Variants in CHCHD3 observed in about 807,000 individuals in gnomAD.
The protein encoded by CHCHD3 is coiled-coil-helix-coiled-coil-helix domain containing 3, also known as MICOS complex subunit MIC19.
In CHCHD3, 20 loss-of-function variants were observed where a neutral mutation model predicts 38.2. That is an observed-to-expected ratio of 0.52 (90% CI 0.37 to 0.76). The LOEUF is 0.76. Among genes scored for constraint, CHCHD3 ranks in the 30% least tolerant of loss-of-function variants. The probability of loss-of-function intolerance (pLI) is 0.00; values close to 1 mark genes in which losing one functional copy is unlikely to be tolerated. For missense variants in CHCHD3, 245 were observed against 279.2 expected (o/e 0.88, Z 0.87); for synonymous variants, 82 against 100.0 (o/e 0.82, Z 1.07).
intron 6 of CHCHD3, among the ~76,000 whole-genome samples, chr7:132,811,035 C>G (rs1807057397): frequency 6.6e-6 from 1 of 152,104 alleles, no homozygotes; most frequent in South Asian, 2.1e-4. Flanking sequence ...TTTCCCTTTC[C>G]ACCCTTGGCT....
chr7:133,065,413 T>A (rs900852664), intron 2 of CHCHD3, among the ~76,000 whole-genome samples: 1 of 152,208 alleles, frequency 6.6e-6, no homozygotes, highest in Non-Finnish European at 1.5e-5. Context: ...AAACTATTTT[T>A]ATGACAAAAT....
In CHCHD3 at chr7:132,828,033, G is replaced by A. The variant is rs59812008; in HGVS notation, c.524+10366C>T. Among the ~76,000 whole-genome samples the A allele has an allele frequency of 2.4e-4, 36 of 152,156 alleles. 1 individual carries two copies. The highest frequency in any genetic ancestry group is 8.4e-4 in the African/African-American group (35 of 41,502). The stretch of plus-strand genomic sequence containing the variant: ...TCCATTCCCTCAATGATGACCATTC[G>A]GATTGTTGCTAGTTTTTGATACTAT... On this transcript the variant is annotated intron_variant, in intron 6 of 7. Transcript: ENST00000262570.
chr7:132,862,064 T>TGATGGACG (rs1554377583), intron 5 of CHCHD3, among the ~76,000 whole-genome samples: 2 of 145,708 alleles, frequency 1.4e-5, no homozygotes, highest in Non-Finnish European at 3.0e-5. Context: ...TAATGTTTGC[T>TGATGGACG]GATGGATGGA....
intron 3 of CHCHD3, among the ~76,000 whole-genome samples, chr7:132,978,936 T>TA (rs142281090): frequency 0.019 from 2,838 of 152,306 alleles, 101 homozygotes; most frequent in African/African-American, 0.064. Flanking sequence ...TTATAAATTT[T>TA]AAAAAAACTT....
chr7:132,945,752 T>C (rs1459055979), intron 4 of CHCHD3, among the ~76,000 whole-genome samples: 1 of 151,942 alleles, frequency 6.6e-6, no homozygotes, highest in Non-Finnish European at 1.5e-5. Flanking sequence ...TCAACTAAAA[T>C]GTAGGCATTG....
At chr7:133,010,353 T>C (rs1477513504) in intron 3 of CHCHD3, among the ~76,000 whole-genome samples, 2 of 152,010 alleles carry the variant, frequency 1.3e-5, no homozygotes, top group African/African-American at 4.8e-5. Context: ...CTCGGGGAGT[T>C]CAGAGCTAAT....
At chr7:133,012,086 A>C (rs1011130297) in intron 3 of CHCHD3, among the ~76,000 whole-genome samples, 13 of 152,182 alleles carry the variant, frequency 8.5e-5, no homozygotes, top group Admixed American at 8.5e-4. Flanking sequence ...TTAGACTAGC[A>C]TTATCCACAT....
intron 3 of CHCHD3, among the ~76,000 whole-genome samples, chr7:132,978,144 A>G (rs1438474093): frequency 6.6e-6 from 1 of 152,180 alleles, no homozygotes; most frequent in Non-Finnish European, 1.5e-5. Flanking sequence ...AACATAATAT[A>G]CACTCAATAA....
At chr7:133,068,457 A>C (rs777513065) in intron 2 of CHCHD3, among the ~76,000 whole-genome samples, 1 of 152,220 alleles carries the variant, frequency 6.6e-6, no homozygotes, top group Non-Finnish European at 1.5e-5. Context: ...GAGAGGGACC[A>C]GTCATGATAT....
chr7:132,812,470 A>G (rs1472386318), intron 6 of CHCHD3, among the ~76,000 whole-genome samples: 1 of 151,796 alleles, frequency 6.6e-6, no homozygotes, highest in East Asian at 1.9e-4. Context: ...CGGCCTCCCA[A>G]AATGCTGGAA....
At chr7:132,990,376 A>C (rs763195566) in intron 3 of CHCHD3, among the ~76,000 whole-genome samples, 2 of 152,180 alleles carry the variant, frequency 1.3e-5, no homozygotes, top group Non-Finnish European at 2.9e-5. Context: ...TGGAAGAAAA[A>C]GGAACCTAAG....
At chr7:133,038,494 C>G (rs972399977) in intron 2 of CHCHD3, among the ~76,000 whole-genome samples, 6 of 152,124 alleles carry the variant, frequency 3.9e-5, no homozygotes, top group African/African-American at 1.4e-4. Flanking sequence ...GTTAGAGAGC[C>G]AAGACATTCT....
chr7:132,997,302 A>C (rs1366941468), intron 3 of CHCHD3, among the ~76,000 whole-genome samples: 2 of 152,166 alleles, frequency 1.3e-5, no homozygotes, highest in Non-Finnish European at 2.9e-5. Flanking sequence ...CATTCCAAAA[A>C]AATCTATGTA....
intron 6 of CHCHD3, among the ~76,000 whole-genome samples, chr7:132,799,243 C>T (rs1167859759): frequency 1.3e-5 from 2 of 152,158 alleles, no homozygotes; most frequent in Non-Finnish European, 2.9e-5. Flanking sequence ...GCTTGTTATA[C>T]TGCCCTAATG....
At chr7:132,931,666 C>T (rs1180509021) in intron 4 of CHCHD3, among the ~76,000 whole-genome samples, 1 of 152,132 alleles carries the variant, frequency 6.6e-6, no homozygotes, top group Non-Finnish European at 1.5e-5. Context: ...GTTACATCTT[C>T]AATATCAATG....
chr7:132,973,930 G>A, intron 4 of CHCHD3: 2 of 1,272,906 alleles, frequency 1.6e-6, no homozygotes, highest in South Asian at 1.3e-5. Context: ...GAGGACTAAA[G>A]GTTCCGAGGA....
intron 4 of CHCHD3, 148 bp from the exon 5 acceptor site, chr7:132,885,893 G>A (rs1260035139): frequency 3.9e-6 from 2 of 510,374 alleles, no homozygotes; most frequent in Non-Finnish European, 6.7e-6. Context: ...ACATTAAGAT[G>A]ATGATTGCTG....
At chr7:132,930,416 G>A (rs751160509) in intron 4 of CHCHD3, among the ~76,000 whole-genome samples, 10 of 152,004 alleles carry the variant, frequency 6.6e-5, no homozygotes, top group South Asian at 2.1e-4. Flanking sequence ...CAATCTGCCC[G>A]CCTCAGCCTC....
intron 3 of CHCHD3, among the ~76,000 whole-genome samples, chr7:133,012,380 T>C (rs1812899484): frequency 6.6e-6 from 1 of 152,196 alleles, no homozygotes; most frequent in South Asian, 2.1e-4. Context: ...ACACAAAAAG[T>C]CCTTTCATTT....
Sources: gnomAD v4.1 joint callset for allele counts (sites outside exome capture counted in the v4.1 genomes callset) on GRCh38, gnomAD v4.1.1 for gene constraint, MANE v1.5 for transcripts, NCBI Gene and HGNC (gene_info 2026-07-23, HGNC 2026-07-21) for gene names.